TIMELESS: variants seen among roughly 807,000 people sequenced by gnomAD.
TIMELESS encodes the protein timeless circadian regulator.
A neutral mutation model predicts 164.3 loss-of-function variants in TIMELESS; 124 were observed. The ratio of observed to expected loss-of-function variants is 0.75; its 90% CI spans 0.65 to 0.88. The LOEUF (loss-of-function observed/expected upper bound fraction) is 0.88. TIMELESS is among the 40% of genes least tolerant of loss of function. The pLI, the probability that TIMELESS is intolerant of heterozygous loss-of-function variation, is 0.00. For synonymous variants in TIMELESS, 564 were observed against 563.4 expected, an observed-to-expected ratio of 1.00 and a Z score of -0.02; for missense variants, 1,422 against 1,491.4, an observed-to-expected ratio of 0.95 and a Z score of 0.77.
chr12:56,428,859 A>C lies in TIMELESS; in HGVS notation c.1304+24T>G, dbSNP rs201498229. 1.0e-4 allele frequency: 166 copies of C among 1,609,600 alleles called. 1 individual carries two copies. The East Asian group carries it at 2.7e-3, about 26-fold the overall frequency. On this transcript the variant is annotated intron_variant, in intron 11 of 28. Transcript: ENST00000553532. ...AGCATTCAGATCCCTAGCTCACTGTATCTCCAGTAACCATCCCACTCACCG... is the reference window on the plus strand; with the variant it reads ...AGCATTCAGATCCCTAGCTCACTGTCTCTCCAGTAACCATCCCACTCACCG...
chr12:56,432,947 C>T (rs542827311), intron 6 of TIMELESS, 79 bp downstream of exon 6: 3 of 956,884 alleles, frequency 3.1e-6, no homozygotes, highest in Admixed American at 2.9e-5. Context: ...GAGAGAGACT[C>T]CGTCTCAAAA....
At chr12:56,432,229 C>T in intron 7 of TIMELESS, 140 bp downstream of exon 7, 1 of 926,902 alleles carries the variant, frequency 1.1e-6, no homozygotes. Flanking sequence ...TAAGGGGGTA[C>T]TACTGAACTC....
rs1298286140 is a variant in TIMELESS, at chr12:56,430,894, T to C, written c.896A>G (p.Lys299Arg). 3 of 1,602,468 alleles carry C rather than the reference T, an allele frequency of 1.9e-6. No individual in the cohort carries two copies. Among genetic ancestry groups the C allele is most frequent in the Admixed American group, 3.4e-5 (2 of 58,430 alleles). Residue 299 changes from lysine (K) to arginine (R), a missense_variant, in exon 9 of 29, where the codon AAA becomes AGA. Lys to Arg is a conservative substitution (Grantham distance 26). Transcript: ENST00000553532. ...SIGERDLIFH[K>R]GLHNLRNYSS... ...AAGAATACTCACGTTGTGAAGGCCT[T>C]TGTGAAAGATGAGGTCCCTCTCCCC... is the stretch of plus-strand genomic sequence containing the variant.
chr12:56,428,954 A>G lies in TIMELESS; in HGVS notation c.1233T>C (p.Ile411=), dbSNP rs371214224. The change falls in exon 11 of 29, where the codon ATT becomes ATC. Residue 411 remains isoleucine (I), a synonymous_variant. Coordinates refer to ENST00000553532, the MANE Select transcript of TIMELESS (RefSeq NM_003920.5). ...ETLSVRTFHF[I]EQNLTNYYEM... ...CATAGTAGTTGGTGAGGTTCTGCTCAATGAAGTGGAAGGTACGGACACTGA... is the reference window on the plus strand; with the variant it reads ...CATAGTAGTTGGTGAGGTTCTGCTCGATGAAGTGGAAGGTACGGACACTGA... 1.9e-5 allele frequency: 30 copies of G among 1,614,000 alleles called. No homozygotes were observed. Among genetic ancestry groups the G allele is most frequent in the Middle Eastern group, 1.6e-4 (1 of 6,072 alleles).
chr12:56,419,521 A>G (rs866511421), intron 26 of TIMELESS, among the ~76,000 whole-genome samples: 16 of 150,894 alleles, frequency 1.1e-4, no homozygotes, highest in African/African-American at 3.9e-4. Flanking sequence ...CTTCCAATAG[A>G]GGGACTGGCA....
intron 13 of TIMELESS, 149 bp from the exon 14 acceptor site, chr12:56,425,301 G>T: frequency 2.0e-6 from 2 of 1,018,762 alleles, no homozygotes; most frequent in Non-Finnish European, 2.8e-6. Flanking sequence ...ATAGTGAACA[G>T]CATATTTCCT....
Position 56,422,995 on chromosome 12 carries a change from G to A in TIMELESS, c.2293-3C>T, listed in dbSNP as rs761263297. On this transcript the variant is annotated splice_region_variant and splice_polypyrimidine_tract_variant and intron_variant, in intron 18 of 28. Transcript: ENST00000553532. ...TATTTGGCAAAAGTCACTAGCTCCT[G>A]TAGGAGAAGGAGGTTACTATGAGGC... 1.6e-5 allele frequency: 26 copies of A among 1,612,534 alleles called. No homozygotes were observed. Among genetic ancestry groups the A allele is most frequent in the Non-Finnish European group, 2.1e-5 (25 of 1,179,402 alleles).
At chr12:56,431,723 T>A (rs1156709106) in intron 7 of TIMELESS, 119 bp from the exon 8 acceptor site, 9 of 1,270,184 alleles carry the variant, frequency 7.1e-6, no homozygotes, top group Non-Finnish European at 9.5e-6. Flanking sequence ...CATTGTGCTG[T>A]CGTTCTCCCT....
At chr12:56,437,703 C>T (rs144142742) in intron 1 of TIMELESS, among the ~76,000 whole-genome samples, 11 of 152,164 alleles carry the variant, frequency 7.2e-5, no homozygotes, top group Admixed American at 3.9e-4. Context: ...CCCCATGGCC[C>T]GCAGGATCAA....
At chr12:56,429,647 G>A (rs541581981) in intron 10 of TIMELESS, among the ~76,000 whole-genome samples, 2 of 147,112 alleles carry the variant, frequency 1.4e-5, no homozygotes, top group Admixed American at 1.4e-4. Context: ...GACTACAAAT[G>A]CACACCACCA....
At position 56,416,451 on chromosome 12, in the gene TIMELESS, T is replaced by C. The variant is rs1049926322; in HGVS notation, c.*1265A>G. 11 of 152,260 alleles carry C rather than the reference T, an allele frequency of 7.2e-5. No individual in the cohort carries two copies. The highest frequency in any genetic ancestry group is 2.7e-4 in the African/African-American group (11 of 41,458). 9.4% of individuals were successfully genotyped at this position (152,260 alleles called of 1,614,324 possible). On this transcript the variant is annotated 3_prime_UTR_variant, in exon 29 of 29. Coordinates refer to ENST00000553532, the MANE Select transcript of TIMELESS (RefSeq NM_003920.5). ...AATCTCACCTTTGCCCTACCTCGGC[T>C]GGAAGCACAGGAAGCAAGAAAGCTG...
In TIMELESS at chr12:56,418,004, T is replaced by TTCC; in HGVS notation, c.3456_3458dup (p.Glu1153dup). 1 of 1,614,224 alleles carries TTCC rather than the reference T, an allele frequency of 6.2e-7. No individual in the cohort carries two copies. The highest frequency in any genetic ancestry group is 8.5e-7 in the Non-Finnish European group (1 of 1,180,032). On this transcript the variant is annotated inframe_insertion, in exon 28 of 29. Transcript: ENST00000553532. ...TCAGCGGCTCTTTACCAACAGCGTC[T>TTCC]TCCTCTGCAATGACCATAAATGACA... is the stretch of plus-strand genomic sequence containing the variant.
intron 26 of TIMELESS, among the ~76,000 whole-genome samples, chr12:56,420,095 G>GTA (rs1179630442): frequency 2.8e-4 from 35 of 124,190 alleles, no homozygotes; most frequent in East Asian, 2.3e-3. Context: ...TAAATAAAAT[G>GTA]TATATATATA....
chr12:56,433,634 T>G lies in TIMELESS; in HGVS notation c.270A>C (p.Thr90=). The G allele has an allele frequency of 6.2e-7, 1 of 1,614,134 alleles. No individual in the cohort carries two copies. The highest frequency in any genetic ancestry group is 8.5e-7 in the Non-Finnish European group (1 of 1,180,042). ...DAVIRLMVNL[T]QPALLCFGNL... ...TGCCAAAACAGAGCAAGGCTGGTTG[T>G]GTCAAGTTCACCATCAGTCTGGGAG... Residue 90 remains threonine (T), a synonymous_variant, in exon 4 of 29, where the codon ACA becomes ACC. Transcript: ENST00000553532.
intron 1 of TIMELESS, among the ~76,000 whole-genome samples, chr12:56,437,074 C>T (rs1195211042): frequency 2.0e-5 from 3 of 151,672 alleles, no homozygotes; most frequent in Non-Finnish European, 4.4e-5. Context: ...GAATTACAGG[C>T]GCACGCCACC....
At chr12:56,436,248 G>C (rs574939635) in intron 1 of TIMELESS, among the ~76,000 whole-genome samples, 1 of 152,080 alleles carries the variant, frequency 6.6e-6, no homozygotes, top group Non-Finnish European at 1.5e-5. Context: ...TAGGTCAGGA[G>C]TTCAAGACCA....
chr12:56,446,455 T>C (rs993890496), intron 1 of TIMELESS, among the ~76,000 whole-genome samples: 2 of 151,996 alleles, frequency 1.3e-5, no homozygotes, highest in Non-Finnish European at 2.9e-5. Flanking sequence ...TGAATCTCTC[T>C]CCTGTTTACC....
chr12:56,443,159 A>T (rs59051184), intron 1 of TIMELESS, among the ~76,000 whole-genome samples: 2 of 152,174 alleles, frequency 1.3e-5, no homozygotes, highest in East Asian at 3.8e-4. Flanking sequence ...CTGGGGGGTC[A>T]GGCAGAATAG....
rs1881996882 is a variant in TIMELESS, at chr12:56,434,193, AGAAG to A, written c.-27_-24del. 1 of 1,574,196 alleles carries A rather than the reference AGAAG, an allele frequency of 6.4e-7. No homozygotes were observed. Among genetic ancestry groups the A allele is most frequent in the Non-Finnish European group, 8.7e-7 (1 of 1,143,794 alleles). On this transcript the variant is annotated 5_prime_UTR_variant, in exon 2 of 29. Coordinates refer to ENST00000553532, the MANE Select transcript of TIMELESS (RefSeq NM_003920.5). Reference sequence around the variant, plus strand: ...CATACATCAGTGGACCAACCAACAGAGAAGGAAGTGGAGAAACAGGAGACAGAAA... The same window carrying A: ...CATACATCAGTGGACCAACCAACAGAGAAGTGGAGAAACAGGAGACAGAAA...
Sources: allele counts gnomAD v4.1 joint callset (sites outside exome capture counted in the v4.1 genomes callset), GRCh38; gene constraint gnomAD v4.1.1; transcripts MANE v1.5; gene names NCBI Gene and HGNC (gene_info 2026-07-23, HGNC 2026-07-21).